GCHFR: variants seen among roughly 807,000 people sequenced by gnomAD.
GCHFR encodes GTP cyclohydrolase 1 feedback regulatory protein.
A neutral mutation model predicts 10.6 loss-of-function variants in GCHFR; 12 were observed. The observed-to-expected ratio is 1.13, with a 90% confidence interval of 0.72 to 1.83. The LOEUF (loss-of-function observed/expected upper bound fraction) is 1.83. Ranked by LOEUF, GCHFR falls within the 40% of genes most tolerant of loss-of-function variation. The pLI is 0.00. For missense variants in GCHFR, 116 were observed against 110.6 expected, an observed-to-expected ratio of 1.05 and a Z score of -0.22; for synonymous variants, 54 against 43.7, an observed-to-expected ratio of 1.24 and a Z score of -0.93.
Position 40,767,649 on chromosome 15 carries a change from C to T in GCHFR, c.*300C>T. 5.2e-6 allele frequency: 3 copies of T among 580,504 alleles called. No individual in the cohort carries two copies. Among genetic ancestry groups the T allele is most frequent in the South Asian group, 2.4e-5 (1 of 41,474 alleles). The allele number at this position is 580,504 out of a possible 1,614,324, so 36.0% of individuals were successfully genotyped here. A position where few individuals can be genotyped will look rare whatever the true frequency, so the allele number is the denominator to read the frequency against. ...CCCGGGCCGGAGCTGGGCACTCCAG[C>T]GGCCCTGGCGCGTGGCTCCTGCATA... On this transcript the variant is annotated 3_prime_UTR_variant, in exon 3 of 3. Coordinates refer to ENST00000260447, the MANE Select transcript of GCHFR (RefSeq NM_005258.3).
chr15:40,766,758 C>T, intron 2 of GCHFR: 1 of 152,934 alleles, frequency 6.5e-6, no homozygotes. Context: ...TGCAGGACAG[C>T]CAGGGCAGTG....
At position 40,764,228 on chromosome 15, in the gene GCHFR, C is replaced by A. The variant is rs1888899182; in HGVS notation, c.36+12C>A. The stretch of plus-strand genomic sequence containing the variant: ...CCCAGATCCGCATGGTGAGTACCGG[C>A]CGCCTGGCGACTTGGAGCCGGGACC... On this transcript the variant is annotated intron_variant, in intron 1 of 2. Coordinates refer to ENST00000260447, the MANE Select transcript of GCHFR (RefSeq NM_005258.3). 1 of 1,550,860 alleles carries A rather than the reference C, an allele frequency of 6.4e-7. No homozygotes were observed. The highest frequency in any genetic ancestry group is 8.7e-7 in the Non-Finnish European group (1 of 1,147,894).
At position 40,765,001 on chromosome 15, in the gene GCHFR, G is replaced by A. The variant is rs573639812; in HGVS notation, c.36+785G>A. ...ACAACCCCCTTGGTGGGTTCACCAC[G>A]CAACAGAGAGCTCTTGCAGAGCCCT... On this transcript the variant is annotated intron_variant, in intron 1 of 2. Transcript: ENST00000260447. Among the ~76,000 whole-genome samples the A allele has an allele frequency of 4.6e-4, 70 of 152,286 alleles. 2 individuals carry two copies. In the South Asian group the frequency reaches 0.013, roughly 29 times the overall value.
At position 40,767,205 on chromosome 15, in the gene GCHFR, C is replaced by G. The variant is rs374710519; in HGVS notation, c.132-21C>G. 4.7e-6 allele frequency: 7 copies of G among 1,485,756 alleles called. No homozygotes were observed. The African/African-American group carries it at 1.0e-4, about 21-fold the overall frequency. The allele number at this position is 1,485,756 out of a possible 1,614,324, so 92.0% of individuals were successfully genotyped here. ...CTTGCTGTGTGCCCCTCCTCACCCC[C>G]CCCATCCTGTCTCTTTGCAGTTATG... On this transcript the variant is annotated intron_variant, in intron 2 of 2. Transcript: ENST00000260447.
intron 1 of GCHFR, 75 bp downstream of exon 1, chr15:40,764,291 C>G (rs1888900480): frequency 7.3e-7 from 1 of 1,361,930 alleles, no homozygotes; most frequent in Non-Finnish European, 9.9e-7. Flanking sequence ...TCATGCCTCC[C>G]TCCTGGGCTG....
In GCHFR at chr15:40,767,476, GCCCCAAAGGGCA is replaced by G; in HGVS notation, c.*128_*139del. Reference sequence around the variant, plus strand: ...CCAAATCATCACCGCCATGGGCCCAGCCCCAAAGGGCAGTGAATGGCCTTCTCTGAAACCCTG... The same window carrying G: ...CCAAATCATCACCGCCATGGGCCCAGGTGAATGGCCTTCTCTGAAACCCTG... On this transcript the variant is annotated 3_prime_UTR_variant, in exon 3 of 3. Coordinates refer to ENST00000260447, the MANE Select transcript of GCHFR (RefSeq NM_005258.3). 1 of 1,104,572 alleles carries G rather than the reference GCCCCAAAGGGCA, an allele frequency of 9.1e-7. No individual in the cohort carries two copies. The highest frequency in any genetic ancestry group is 1.7e-5 in the South Asian group (1 of 58,436). 68.4% of individuals were successfully genotyped at this position (1,104,572 alleles called of 1,614,324 possible). A position where few individuals can be genotyped will look rare whatever the true frequency, so the allele number is the denominator to read the frequency against.
At chr15:40,767,101 C>A (rs898113638) in intron 2 of GCHFR, 125 bp from the exon 3 acceptor site, 1 of 1,013,546 alleles carries the variant, frequency 9.9e-7, no homozygotes, top group Admixed American at 3.0e-5. Flanking sequence ...ACCCCAGCGC[C>A]CAGCAAGCAG....
rs779059431 is a variant in GCHFR at position 40,764,266 on chromosome 15, G to A, written c.36+50G>A. The A allele has an allele frequency of 1.5e-5, 22 of 1,497,198 alleles. 1 individual carries two copies. In the South Asian group the frequency reaches 2.6e-4, roughly 18 times the overall value. The allele number at this position is 1,497,198 out of a possible 1,614,324, so 92.7% of individuals were successfully genotyped here. On this transcript the variant is annotated intron_variant, in intron 1 of 2. Transcript: ENST00000260447. Reference sequence around the variant, plus strand: ...TGGAGCCGGGACCAGGCCCTAGGGGGCTGCGACTGCACCTTCATGCCTCCC... The same window carrying A: ...TGGAGCCGGGACCAGGCCCTAGGGGACTGCGACTGCACCTTCATGCCTCCC...
rs745754620 is a variant in GCHFR at position 40,767,413 on chromosome 15, C to T, written c.*64C>T. On this transcript the variant is annotated 3_prime_UTR_variant, in exon 3 of 3. Transcript: ENST00000260447. The stretch of plus-strand genomic sequence containing the variant: ...AGGGGCTGCTGTGGGCCCTGACCTC[C>T]AAGCTCCTGCCTCACCGTCTGCCTT... The T allele has an allele frequency of 4.7e-5, 71 of 1,498,080 alleles. No individual in the cohort carries two copies. The highest frequency in any genetic ancestry group is 6.1e-5 in the Non-Finnish European group (68 of 1,117,428). 92.8% of individuals were successfully genotyped at this position (1,498,080 alleles called of 1,614,324 possible). A position where few individuals can be genotyped will look rare whatever the true frequency, so the allele number is the denominator to read the frequency against.
intron 2 of GCHFR, 25 bp downstream of exon 2, chr15:40,765,946 C>T: frequency 1.6e-6 from 2 of 1,253,066 alleles, no homozygotes; most frequent in East Asian, 4.9e-5. Context: ...CCCTCAGTAT[C>T]CTCTCCCTGC....
At chr15:40,764,501 C>T in intron 1 of GCHFR, 1 of 440,964 alleles carries the variant, frequency 2.3e-6, no homozygotes, top group South Asian at 3.7e-5. Flanking sequence ...CCTGTCCTAC[C>T]TGTCGGCGGG....
At chr15:40,765,806 C>G (rs377583562) in intron 1 of GCHFR, 21 bp from the exon 2 acceptor site, 1 of 1,381,902 alleles carries the variant, frequency 7.2e-7, no homozygotes, top group South Asian at 1.3e-5. Flanking sequence ...AGCCAAGCAG[C>G]CACTGTGGCT....
chr15:40,767,100 C>G, intron 2 of GCHFR, 126 bp from the exon 3 acceptor site: 2 of 995,646 alleles, frequency 2.0e-6, no homozygotes, highest in Non-Finnish European at 1.4e-6. Flanking sequence ...TACCCCAGCG[C>G]CCAGCAAGCA....
intron 2 of GCHFR, 109 bp downstream of exon 2, chr15:40,766,030 C>T (rs1166296054): frequency 4.0e-6 from 2 of 494,710 alleles, no homozygotes; most frequent in Non-Finnish European, 7.2e-6. Context: ...TCAGAGCCCC[C>T]TGCCTGCATC....
chr15:40,765,703 T>C, intron 1 of GCHFR, 124 bp from the exon 2 acceptor site: 1 of 463,010 alleles, frequency 2.2e-6, no homozygotes, highest in East Asian at 3.4e-5. Flanking sequence ...TAAGAATCCT[T>C]GCTACTCTCT....
chr15:40,767,343 G>A lies in GCHFR; in HGVS notation c.249G>A (p.Lys83=), dbSNP rs1888973052. Residue 83 remains lysine (K), a synonymous_variant, in exon 3 of 3, where the codon AAG becomes AAA. Transcript: ENST00000260447. ...AGACGCTGGTGTGGTGTCTGCACAA[G>A]GAGTGACCTTCTCATGCTGATTTGC... is the stretch of plus-strand genomic sequence containing the variant. ...VGQTLVWCLH[K]E 6.3e-7 allele frequency: 1 copy of A among 1,598,764 alleles called. No homozygotes were observed. Among genetic ancestry groups the A allele is most frequent in the Admixed American group, 1.8e-5 (1 of 57,070 alleles).
Position 40,765,915 on chromosome 15 carries a change from A to G in GCHFR, c.125A>G (p.Asn42Ser), listed in dbSNP as rs1376484019. The G allele has an allele frequency of 1.3e-6, 2 of 1,550,898 alleles. No individual in the cohort carries two copies. Among genetic ancestry groups the G allele is most frequent in the Non-Finnish European group, 1.8e-6 (2 of 1,133,436 alleles). The change falls in exon 2 of 3, where the codon AAC becomes AGC. Residue 42 changes from asparagine (N) to serine (S), a missense_variant. Coordinates refer to ENST00000260447, the MANE Select transcript of GCHFR (RefSeq NM_005258.3). ...GCTTCAAAGAGAAGAGCCTTGGGAA[A>G]CAACTTGTAAGTAGCAGCCTCCCTC... ...LGASKRRALGNNFYEYYVDDP... is the reference protein window; with the variant it reads ...LGASKRRALGSNFYEYYVDDP...
In GCHFR at chr15:40,764,189, C is replaced by T; in HGVS notation, c.9C>T (p.Tyr3=). 2 of 1,558,474 alleles carry T rather than the reference C, an allele frequency of 1.3e-6. No individual in the cohort carries two copies. Among genetic ancestry groups the T allele is most frequent in the East Asian group, 4.8e-5 (2 of 41,790 alleles). MP[Y]LLISTQIRME... ...GCCGGGACGCGTGCACCATGCCCTA[C>T]CTGCTCATCAGCACCCAGATCCGCA... Residue 3 remains tyrosine, a synonymous_variant, in exon 1 of 3, where the codon TAC becomes TAT. Coordinates refer to ENST00000260447, the MANE Select transcript of GCHFR (RefSeq NM_005258.3).
rs1175661218 is a variant in GCHFR at position 40,764,548 on chromosome 15, T to G, written c.36+332T>G. The G allele has an allele frequency of 4.3e-5, 16 of 373,742 alleles. 1 individual carries two copies. The Admixed American group carries it at 7.4e-4, about 17-fold the overall frequency. 23.2% of individuals were successfully genotyped at this position (373,742 alleles called of 1,614,324 possible). A position where few individuals can be genotyped will look rare whatever the true frequency, so the allele number is the denominator to read the frequency against. On this transcript the variant is annotated intron_variant, in intron 1 of 2. Transcript: ENST00000260447. ...GAGCCCTGGCCTCACGCGCAGCACC[T>G]AGTGCCCTGCACAGAGCCGCTCCGC...
Sources: gnomAD v4.1 joint callset for allele counts (sites outside exome capture counted in the v4.1 genomes callset) on GRCh38, gnomAD v4.1.1 for gene constraint, MANE v1.5 for transcripts, NCBI Gene and HGNC (gene_info 2026-07-23, HGNC 2026-07-21) for gene names.